The following ARHGAP23 variants were observed in gnomAD, a reference collection of about 807,000 sequenced individuals.
ARHGAP23 encodes rho GTPase-activating protein 23.
In ARHGAP23, 34 loss-of-function variants were observed where a neutral mutation model predicts 136.3. That is an observed-to-expected ratio of 0.25 (90% CI 0.19 to 0.33). The LOEUF is 0.33. Ranked by LOEUF, ARHGAP23 falls within the 10% of genes least tolerant of loss-of-function variation. ARHGAP23 has a pLI of 1.00. For synonymous variants in ARHGAP23, 832 were observed against 920.5 expected, an observed-to-expected ratio of 0.90 and a Z score of 1.74; for missense variants, 1,808 against 2,139.0, an observed-to-expected ratio of 0.85 and a Z score of 3.05.
At chr17:38,504,193 C>T (rs2040579568) in intron 23 of ARHGAP23, among the ~76,000 whole-genome samples, 1 of 152,198 alleles carries the variant, frequency 6.6e-6, no homozygotes. Context: ...CTGGCTCTGT[C>T]CTGAGCCTGA....
In ARHGAP23 at chr17:38,457,889, G is replaced by A. The variant is rs1297204477; in HGVS notation, c.64-213G>A. The A allele has an allele frequency of 4.9e-6, 3 of 608,122 alleles. No individual in the cohort carries two copies. In the African/African-American group the frequency reaches 5.6e-5, roughly 11 times the overall value. 37.7% of individuals were successfully genotyped at this position (608,122 alleles called of 1,614,324 possible). A position where few individuals can be genotyped will look rare whatever the true frequency, so the allele number is the denominator to read the frequency against. On this transcript the variant is annotated intron_variant, in intron 1 of 23. Transcript: ENST00000622683. ...AAAGACATTATGAGGGGACTGAGGGGAAAGGAAAGAAGGAAAAAGCTATTG... is the reference window on the plus strand; with the variant it reads ...AAAGACATTATGAGGGGACTGAGGGAAAAGGAAAGAAGGAAAAAGCTATTG...
At position 38,477,172 on chromosome 17, in the gene ARHGAP23, G is replaced by A. The variant is rs563052847; in HGVS notation, c.2119-407G>A. 6.6e-6 allele frequency among the ~76,000 whole-genome samples: 1 copy of A among 152,220 alleles called. No individual in the cohort carries two copies. Among genetic ancestry groups the A allele is most frequent in the Admixed American group, 6.5e-5 (1 of 15,296 alleles). On this transcript the variant is annotated intron_variant, in intron 11 of 23. Transcript: ENST00000622683. This position sits in a 1 kb window ranked among gnomAD's most constrained non-coding sequence, Gnocchi z 6.6. Reference sequence around the variant, plus strand: ...AAGTGGGGAGAACAACCCTCTAAGAGTGCGGACGGCTTCTGAGCAGGTTTG... The same window carrying A: ...AAGTGGGGAGAACAACCCTCTAAGAATGCGGACGGCTTCTGAGCAGGTTTG...
At chr17:38,488,414 T>C (rs2040202740) in intron 17 of ARHGAP23, among the ~76,000 whole-genome samples, 1 of 152,242 alleles carries the variant, frequency 6.6e-6, no homozygotes, top group African/African-American at 2.4e-5. Flanking sequence ...TTTCTTATGT[T>C]GATTTGCGGG....
At chr17:38,458,699 G>A (rs192401244) in intron 2 of ARHGAP23, among the ~76,000 whole-genome samples, 3 of 152,316 alleles carry the variant, frequency 2.0e-5, no homozygotes, top group Non-Finnish European at 4.4e-5. Flanking sequence ...AGCTCTCAGG[G>A]GCCTAGCCCA....
intron 23 of ARHGAP23, among the ~76,000 whole-genome samples, chr17:38,507,675 A>G (rs929392245): frequency 6.6e-6 from 1 of 152,214 alleles, no homozygotes; most frequent in African/African-American, 2.4e-5. Context: ...AGAAAGCAGT[A>G]CTGGCCACCA....
chr17:38,479,553 G>C, intron 13 of ARHGAP23, 56 bp downstream of exon 13: 1 of 1,523,020 alleles, frequency 6.6e-7, no homozygotes, highest in South Asian at 1.2e-5. Context: ...GGGGGCTGAA[G>C]GCAAAGGATG....
chr17:38,430,872 T>C (rs1220601880), intron 1 of ARHGAP23, among the ~76,000 whole-genome samples: 1 of 152,222 alleles, frequency 6.6e-6, no homozygotes, highest in Admixed American at 6.5e-5. Flanking sequence ...GGGGAGTTGC[T>C]TTCACAGTAT....
At chr17:38,448,289 G>A (rs567044719) in intron 1 of ARHGAP23, among the ~76,000 whole-genome samples, 8 of 152,258 alleles carry the variant, frequency 5.3e-5, no homozygotes, top group East Asian at 3.9e-4. Flanking sequence ...ATGTGTCACC[G>A]TGTCTTTGTG....
In ARHGAP23 at chr17:38,506,163, A is replaced by G. The variant is rs574548742; in HGVS notation, c.3448-3781A>G. On this transcript the variant is annotated intron_variant, in intron 23 of 23. Coordinates refer to ENST00000622683, the MANE Select transcript of ARHGAP23 (RefSeq NM_001199417.2). ...CTGATTCCTAAGTTTAAAGTATTCAACAATATGAATAGTTACAATTTATTG... is the reference window on the plus strand; with the variant it reads ...CTGATTCCTAAGTTTAAAGTATTCAGCAATATGAATAGTTACAATTTATTG... Among the ~76,000 whole-genome samples the G allele has an allele frequency of 4.6e-5, 7 of 152,356 alleles. No homozygotes were observed. The South Asian group carries it at 8.3e-4, about 18-fold the overall frequency.
At chr17:38,435,721 C>T (rs960482594) in intron 1 of ARHGAP23, among the ~76,000 whole-genome samples, 1 of 152,178 alleles carries the variant, frequency 6.6e-6, no homozygotes, top group Non-Finnish European at 1.5e-5. Flanking sequence ...GCCTCTGCCT[C>T]CCGAGTAGTT....
intron 7 of ARHGAP23, among the ~76,000 whole-genome samples, chr17:38,468,010 G>T (rs148064144): frequency 0.01 from 1,565 of 152,362 alleles, 27 homozygotes; most frequent in African/African-American, 0.036. Flanking sequence ...TGGGCGTGTC[G>T]TGGGACAGGG....
chr17:38,502,216 T>G (rs2040537920), intron 23 of ARHGAP23, among the ~76,000 whole-genome samples: 1 of 152,046 alleles, frequency 6.6e-6, no homozygotes, highest in Non-Finnish European at 1.5e-5. Context: ...TGAGGCAGGA[T>G]AATTGCTTGA....
rs7213793 is a variant in ARHGAP23, at chr17:38,480,236, C to A, written c.2629+353C>A. Among the ~76,000 whole-genome samples the A allele has an allele frequency of 4.0e-3, 608 of 152,286 alleles. 4 individuals carry two copies. Among genetic ancestry groups the A allele is most frequent in the African/African-American group, 0.014 (580 of 41,564 alleles). On this transcript the variant is annotated intron_variant, in intron 14 of 23. Coordinates refer to ENST00000622683, the MANE Select transcript of ARHGAP23 (RefSeq NM_001199417.2). ...TCTTACCTGGCTGGGCAAGGTGGCT[C>A]ACACGTGTAATCCCAGCACTTTGGG... is the stretch of plus-strand genomic sequence containing the variant.
At chr17:38,499,397 A>C (rs545288264) in intron 22 of ARHGAP23, among the ~76,000 whole-genome samples, 125 of 152,334 alleles carry the variant, frequency 8.2e-4, no homozygotes, top group Non-Finnish European at 1.6e-3. Context: ...CGGGGCCCTA[A>C]GTCCTGTTTG....
rs1215737415 is a variant in ARHGAP23 at position 38,491,463 on chromosome 17, G to A, written c.3207G>A (p.Glu1069=). 1.2e-5 allele frequency: 19 copies of A among 1,549,536 alleles called. No homozygotes were observed. The highest frequency in any genetic ancestry group is 3.9e-5 in the Admixed American group (2 of 50,988). Residue 1069 remains glutamate (E), a synonymous_variant, in exon 20 of 24, where the codon GAG becomes GAA. Transcript: ENST00000622683. ...GGCCGACACTGGTGAGGACGTCTGA[G>A]GACAACATGACAGACATGGTGACCC... is the stretch of plus-strand genomic sequence containing the variant. ...VFGPTLVRTS[E]DNMTDMVTHM...
chr17:38,474,877 T>G (rs934704274), intron 11 of ARHGAP23, among the ~76,000 whole-genome samples: 5 of 152,134 alleles, frequency 3.3e-5, no homozygotes, highest in African/African-American at 1.2e-4. Flanking sequence ...GAGAGCCACG[T>G]GTGGGCCAGC....
intron 20 of ARHGAP23, among the ~76,000 whole-genome samples, chr17:38,497,053 T>C (rs1452538283): frequency 6.6e-6 from 1 of 152,190 alleles, no homozygotes; most frequent in African/African-American, 2.4e-5. Context: ...AAACTTACTT[T>C]CTTGTCTTCT....
intron 11 of ARHGAP23, among the ~76,000 whole-genome samples, chr17:38,472,903 C>G (rs187052983): frequency 6.6e-6 from 1 of 152,150 alleles, no homozygotes; most frequent in Non-Finnish European, 1.5e-5. Context: ...ACCCAGTGCC[C>G]GGCACTTGAA....
At chr17:38,483,867 C>T (rs1170082725) in intron 16 of ARHGAP23, among the ~76,000 whole-genome samples, 1 of 152,082 alleles carries the variant, frequency 6.6e-6, no homozygotes, top group Non-Finnish European at 1.5e-5. Context: ...TGGCATTTTC[C>T]AAAACCCCAG....
Sources: allele counts gnomAD v4.1 joint callset (sites outside exome capture counted in the v4.1 genomes callset), GRCh38; gene constraint gnomAD v4.1.1; non-coding constraint Gnocchi (gnomAD v3.1); transcripts MANE v1.5; gene names NCBI Gene and HGNC (gene_info 2026-07-23, HGNC 2026-07-21).